Variants in CACNA1E observed in about 807,000 individuals in gnomAD.
CACNA1E encodes calcium voltage-gated channel subunit alpha1 E.
Under a neutral mutation model 259.2 loss-of-function variants are expected in CACNA1E, and 40 were observed. That is an observed-to-expected ratio of 0.15 (90% confidence interval 0.12 to 0.20). The LOEUF (loss-of-function observed/expected upper bound fraction) is 0.20. Among genes scored for constraint, CACNA1E ranks in the 10% least tolerant of loss-of-function variants. CACNA1E has a pLI of 1.00. For missense variants in CACNA1E, 1,874 were observed against 3,040.1 expected, an observed-to-expected ratio of 0.62 and a Z score of 9.02; for synonymous variants, 1,104 against 1,138.5, an observed-to-expected ratio of 0.97 and a Z score of 0.61.
At chr1:181,377,879 A>G (rs1186834054) in intron 1 of CACNA1E, among the ~76,000 whole-genome samples, 1 of 152,266 alleles carries the variant, frequency 6.6e-6, no homozygotes, top group Non-Finnish European at 1.5e-5. Flanking sequence ...CCAGCATTCC[A>G]TACTCTTAAT....
At chr1:181,626,709 C>T (rs537763339) in intron 6 of CACNA1E, among the ~76,000 whole-genome samples, 10 of 152,134 alleles carry the variant, frequency 6.6e-5, no homozygotes, top group Non-Finnish European at 1.0e-4. Context: ...GAGGTCCCTC[C>T]GAGCAGTAAA....
At chr1:181,658,727 C>T (rs1659408647) in intron 7 of CACNA1E, among the ~76,000 whole-genome samples, 1 of 152,068 alleles carries the variant, frequency 6.6e-6, no homozygotes, top group Admixed American at 6.5e-5. Context: ...CTGGAGAAGC[C>T]TAGGAAGTGA....
At chr1:181,558,546 C>A (rs944858434) in intron 3 of CACNA1E, among the ~76,000 whole-genome samples, 40 of 152,286 alleles carry the variant, frequency 2.6e-4, no homozygotes, top group African/African-American at 9.4e-4. Flanking sequence ...GCAGTTTAAA[C>A]CTAGCCAGGG....
chr1:181,416,398 G>A (rs1658278141), intron 2 of CACNA1E, among the ~76,000 whole-genome samples: 1 of 152,136 alleles, frequency 6.6e-6, no homozygotes, highest in Admixed American at 6.5e-5. Flanking sequence ...TACTCTTTGG[G>A]GCACAGTTTC....
chr1:181,641,901 A>G (rs1249262697), intron 6 of CACNA1E, among the ~76,000 whole-genome samples: 2 of 151,416 alleles, frequency 1.3e-5, no homozygotes, highest in Admixed American at 1.3e-4. Context: ...TTTAGTAGAG[A>G]CGGGGTTTCA....
chr1:181,427,370 C>G (rs1659364957), intron 2 of CACNA1E, among the ~76,000 whole-genome samples: 3 of 150,064 alleles, frequency 2.0e-5, no homozygotes, highest in Admixed American at 2.0e-4. Context: ...AACTCCTCCC[C>G]CATCTTAACC....
intron 34 of CACNA1E, among the ~76,000 whole-genome samples, chr1:181,764,100 G>A (rs765793270): frequency 2.6e-5 from 4 of 152,136 alleles, no homozygotes; most frequent in Non-Finnish European, 5.9e-5. Context: ...GGGACATCTG[G>A]GCAGGTTAAT....
At chr1:181,662,049 C>T (rs2102140237) in intron 7 of CACNA1E, among the ~76,000 whole-genome samples, 1 of 152,278 alleles carries the variant, frequency 6.6e-6, no homozygotes, top group South Asian at 2.1e-4. Flanking sequence ...GTATGATACC[C>T]TGCTATGATG....
rs2102476117 is a variant in CACNA1E at position 181,719,741 on chromosome 1, G to A, written c.1639-10G>A. The A allele has an allele frequency of 6.6e-7, 1 of 1,518,294 alleles. No homozygotes were observed. Among genetic ancestry groups the A allele is most frequent in the Non-Finnish European group, 9.0e-7 (1 of 1,106,898 alleles). The allele number at this position is 1,518,294 out of a possible 1,614,324, so 94.1% of individuals were successfully genotyped here. A position where few individuals can be genotyped will look rare whatever the true frequency, so the allele number is the denominator to read the frequency against. Reference sequence around the variant, plus strand: ...TCCTCCTCTCACTGTGGCTGGCATTGCCTCTCTAGGTCACAGTGGGCAGTA... The same window carrying A: ...TCCTCCTCTCACTGTGGCTGGCATTACCTCTCTAGGTCACAGTGGGCAGTA... On this transcript the variant is annotated splice_polypyrimidine_tract_variant and intron_variant, in intron 12 of 47. Transcript: ENST00000367573.
intron 1 of CACNA1E, among the ~76,000 whole-genome samples, chr1:181,399,109 T>C (rs1371905046): frequency 6.6e-6 from 1 of 152,192 alleles, no homozygotes; most frequent in African/African-American, 2.4e-5. Context: ...TTGTGACCTT[T>C]CCGTCCTTCC....
intron 38 of CACNA1E, among the ~76,000 whole-genome samples, chr1:181,777,732 A>T (rs1228216750): frequency 6.6e-6 from 1 of 152,224 alleles, no homozygotes; most frequent in African/African-American, 2.4e-5. Context: ...ATGATATTAA[A>T]TCATGTGTAA....
At chr1:181,706,762 C>A (rs1194242276) in intron 7 of CACNA1E, among the ~76,000 whole-genome samples, 1 of 152,168 alleles carries the variant, frequency 6.6e-6, no homozygotes, top group East Asian at 1.9e-4. Context: ...CAGCACATAA[C>A]CTGGAAGAAG....
chr1:181,484,088 G>T, intron 1 of CACNA1E, 78 bp downstream of exon 1: 1 of 1,408,112 alleles, frequency 7.1e-7, no homozygotes, highest in Non-Finnish European at 9.9e-7. Flanking sequence ...AGCATGGAAT[G>T]TATCCCCCAC....
At chr1:181,430,186 T>G (rs1253339336) in intron 2 of CACNA1E, among the ~76,000 whole-genome samples, 2 of 152,184 alleles carry the variant, frequency 1.3e-5, no homozygotes, top group Admixed American at 1.3e-4. Context: ...GTCTTACCAA[T>G]GCACCACAAT....
intron 6 of CACNA1E, among the ~76,000 whole-genome samples, chr1:181,647,498 C>T (rs1454109298): frequency 2.0e-5 from 3 of 152,208 alleles, no homozygotes; most frequent in East Asian, 1.9e-4. Context: ...GAGACAGACA[C>T]GTGCACACCA....
At chr1:181,445,884 A>G (rs1660760332) in intron 2 of CACNA1E, among the ~76,000 whole-genome samples, 1 of 152,198 alleles carries the variant, frequency 6.6e-6, no homozygotes. Flanking sequence ...ACTGGTTCAA[A>G]AGAATCCCCA....
chr1:181,782,457 A>T (rs1174436891), intron 39 of CACNA1E, among the ~76,000 whole-genome samples: 1 of 152,248 alleles, frequency 6.6e-6, no homozygotes, highest in Non-Finnish European at 1.5e-5. Flanking sequence ...ACCTAGGAAC[A>T]CATCATAGTA....
intron 1 of CACNA1E, among the ~76,000 whole-genome samples, chr1:181,404,258 T>C (rs1275869722): frequency 6.6e-6 from 1 of 152,168 alleles, no homozygotes; most frequent in East Asian, 1.9e-4. Flanking sequence ...TTTTAGATCA[T>C]TGGAGAGATG....
At chr1:181,535,299 C>G (rs1668083920) in intron 3 of CACNA1E, among the ~76,000 whole-genome samples, 1 of 152,068 alleles carries the variant, frequency 6.6e-6, no homozygotes, top group Non-Finnish European at 1.5e-5. Context: ...TTCCCCTCCC[C>G]CATTTGTCTT....
Sources: gnomAD v4.1 joint callset for allele counts (sites outside exome capture counted in the v4.1 genomes callset) on GRCh38, gnomAD v4.1.1 for gene constraint, MANE v1.5 for transcripts, NCBI Gene and HGNC (gene_info 2026-07-23, HGNC 2026-07-21) for gene names.